Variants in COL4A6 observed in about 807,000 individuals in gnomAD.
COL4A6 encodes collagen alpha-6(IV) chain.
COL4A6 carries 59 observed loss-of-function variants against 126.7 expected under a neutral mutation model. That is an observed-to-expected ratio of 0.47 (90% confidence interval 0.38 to 0.58). The LOEUF (loss-of-function observed/expected upper bound fraction) is 0.58. COL4A6 is among the 20% of genes least tolerant of loss of function. The pLI is 0.00. For missense variants in COL4A6, 1,285 were observed against 1,337.3 expected (o/e 0.96, Z 0.61); for synonymous variants, 547 against 496.6 (o/e 1.10, Z -1.35).
intron 2 of COL4A6, chrX:108,383,605 GA>G: frequency 1.9e-6 from 1 of 530,931 alleles, no homozygotes; most frequent in Non-Finnish European, 3.2e-6. Context: ...TTGTCCAGCT[GA>G]AGGATGCCCC....
intron 2 of COL4A6, among the ~76,000 whole-genome samples, chrX:108,406,061 G>A (rs1249707034): frequency 9.0e-6 from 1 of 111,305 alleles, no homozygotes; most frequent in Non-Finnish European, 1.9e-5. Flanking sequence ...TTGACGTCCT[G>A]GGCTCAAGTG....
intron 2 of COL4A6, among the ~76,000 whole-genome samples, chrX:108,380,005 A>G (rs1452039507): frequency 9.0e-6 from 1 of 111,423 alleles, no homozygotes; most frequent in Non-Finnish European, 1.9e-5. Context: ...TTTGATAATA[A>G]TTCCAAGAAT....
At chrX:108,299,612 A>G (rs189556835) in intron 3 of COL4A6, among the ~76,000 whole-genome samples, 1 of 112,311 alleles carries the variant, frequency 8.9e-6, no homozygotes, top group African/African-American at 3.2e-5. Context: ...CAAAGTCACT[A>G]CAATTACTTG....
At chrX:108,301,693 T>C (rs927116845) in intron 3 of COL4A6, among the ~76,000 whole-genome samples, 3 of 111,932 alleles carry the variant, frequency 2.7e-5, no homozygotes, top group Admixed American at 9.4e-5. Flanking sequence ...TTAATCTCTC[T>C]GAAACTTTCT....
chrX:108,171,408 G>A lies in COL4A6; in HGVS notation c.3256C>T (p.Pro1086Ser). The A allele has an allele frequency of 8.3e-7, 1 of 1,210,516 alleles. No individual in the cohort carries two copies. Among genetic ancestry groups the A allele is most frequent in the South Asian group, 1.8e-5 (1 of 56,729 alleles). The change falls in exon 33 of 45, where the codon CCT becomes TCT. Residue 1086 changes from proline to serine, a missense_variant. Transcript: ENST00000334504. Reference sequence around the variant, plus strand: ...TTACCTTTAAAACCAGATTCGCCAGGCTGTCCCTTGGGTCCTGGGCTACCG... The same window carrying A: ...TTACCTTTAAAACCAGATTCGCCAGACTGTCCCTTGGGTCCTGGGCTACCG... ...ISGSPGPKGQPGESGFKGTKG... is the reference protein window; with the variant it reads ...ISGSPGPKGQSGESGFKGTKG...
intron 3 of COL4A6, among the ~76,000 whole-genome samples, chrX:108,270,190 T>G (rs948604602): frequency 1.8e-5 from 2 of 112,254 alleles, no homozygotes; most frequent in African/African-American, 6.5e-5. Flanking sequence ...CTGCCCCTTC[T>G]AAGTGTGGCA....
chrX:108,269,145 A>G (rs780843349), intron 3 of COL4A6: 3 of 336,866 alleles, frequency 8.9e-6, no homozygotes, highest in South Asian at 7.8e-5. Context: ...CAGTAGCTGC[A>G]AGTTGTGCTG....
rs961829758 is a variant in COL4A6 at position 108,360,772 on chromosome X, G to A, written c.64-49944C>T. Reference sequence around the variant, plus strand: ...AAGCTGGTCTCGAACTCCTGACCTCGTGATCTGCCCACCTCGGCCTCCCAA... The same window carrying A: ...AAGCTGGTCTCGAACTCCTGACCTCATGATCTGCCCACCTCGGCCTCCCAA... On this transcript the variant is annotated intron_variant, in intron 2 of 44. Transcript: ENST00000334504. Among the ~76,000 whole-genome samples, 37 of 110,492 alleles carry A rather than the reference G, an allele frequency of 3.3e-4. 1 individual carries two copies. Among genetic ancestry groups the A allele is most frequent in the Non-Finnish European group, 7.6e-5 (4 of 52,857 alleles).
intron 2 of COL4A6, among the ~76,000 whole-genome samples, chrX:108,414,749 G>T (rs1381993450): frequency 9.0e-6 from 1 of 110,902 alleles, no homozygotes; most frequent in Non-Finnish European, 1.9e-5. Context: ...CCATGGTTGT[G>T]CCACTGCACT....
intron 2 of COL4A6, among the ~76,000 whole-genome samples, chrX:108,428,332 A>G (rs1402617484): frequency 8.9e-6 from 1 of 112,237 alleles, no homozygotes; most frequent in Non-Finnish European, 1.9e-5. Context: ...CTTCTCTGAT[A>G]TCTCCCTTTC....
At position 108,164,684 on chromosome X, in the gene COL4A6, G is replaced by T. The variant is rs751515364; in HGVS notation, c.3985C>A (p.Pro1329Thr). 2 of 1,211,414 alleles carry T rather than the reference G, an allele frequency of 1.7e-6. No individual in the cohort carries two copies. Among genetic ancestry groups the T allele is most frequent in the Admixed American group, 4.3e-5 (2 of 46,060 alleles). ...ELGLKGMRGE[P>T]GFMGTPGKVG... The stretch of plus-strand genomic sequence containing the variant: ...TTGCCTGGAGTCCCCATGAAGCCAG[G>T]CTCACCTCTCATGCCTGACAAAGCC... Residue 1329 changes from proline (P) to threonine (T), a missense_variant, in exon 40 of 45, where the codon CCT becomes ACT. Physicochemically the swap from Pro to Thr is conservative, Grantham distance 38. Transcript: ENST00000334504.
Position 108,179,340 on chromosome X carries a change from C to T in COL4A6, c.2230G>A (p.Gly744Ser), listed in dbSNP as rs750814219. 53 of 1,209,372 alleles carry T rather than the reference C, an allele frequency of 4.4e-5. No homozygotes were observed. In the Admixed American group the frequency reaches 8.1e-4, roughly 18 times the overall value. ...PGMIGSPGLP[G>S]SKGATGDIFG... ...ATGTCACCAGTGGCTCCCTTGGAAC[C>T]AGGTAAGCCTGGACTGCCAATCATC... The change falls in exon 26 of 45, where the codon GGT (glycine) becomes AGT (serine). Residue 744 changes from glycine to serine, a missense_variant. Physicochemically the swap from Gly to Ser is moderately conservative, Grantham distance 56. Transcript: ENST00000334504.
chrX:108,400,794 A>C (rs926223155), intron 2 of COL4A6, among the ~76,000 whole-genome samples: 7 of 111,707 alleles, frequency 6.3e-5, no homozygotes, highest in African/African-American at 2.3e-4. Flanking sequence ...CCTTTCTTTT[A>C]CTCACGTTGT....
At chrX:108,410,628 A>G (rs540193474) in intron 2 of COL4A6, among the ~76,000 whole-genome samples, 3 of 111,734 alleles carry the variant, frequency 2.7e-5, no homozygotes, top group African/African-American at 9.7e-5. Flanking sequence ...TGGGTATATC[A>G]GTTTAAAAAT....
chrX:108,164,773 A>T, intron 39 of COL4A6, 75 bp from the exon 40 acceptor site: 1 of 1,175,073 alleles, frequency 8.5e-7, no homozygotes, highest in Non-Finnish European at 1.2e-6. Flanking sequence ...GGCAGGGGTG[A>T]GGTAGGGAAG....
In COL4A6 at chrX:108,295,665, C is replaced by T. The variant is rs17280168; in HGVS notation, c.144+15083G>A. Among the ~76,000 whole-genome samples, 210 of 112,254 alleles carry T rather than the reference C, an allele frequency of 1.9e-3. 1 individual carries two copies. The East Asian group carries it at 0.038, about 20-fold the overall frequency. On this transcript the variant is annotated intron_variant, in intron 3 of 44. Transcript: ENST00000334504. ...GCAATTTACAGATAGGCTGACCCAT[C>T]TGCAAAGCAAGTTGGTTATTGCATA...
intron 3 of COL4A6, among the ~76,000 whole-genome samples, chrX:108,221,581 C>A (rs766592663): frequency 8.9e-6 from 1 of 112,572 alleles, no homozygotes; most frequent in South Asian, 3.7e-4. Flanking sequence ...ATTTTATAAG[C>A]ACATTTAATA....
chrX:108,164,479 G>T, intron 40 of COL4A6, 121 bp downstream of exon 40: 1 of 655,500 alleles, frequency 1.5e-6, no homozygotes, highest in Non-Finnish European at 2.4e-6. Flanking sequence ...GGGGTACCTT[G>T]ATCCAGCTGT....
chrX:108,214,367 C>T, intron 5 of COL4A6, 139 bp from the exon 6 acceptor site: 1 of 460,863 alleles, frequency 2.2e-6, no homozygotes, highest in East Asian at 3.6e-5. Context: ...TGTATGTTTG[C>T]ATGTCTTTCC....
Sources: gnomAD v4.1 joint callset for allele counts (sites outside exome capture counted in the v4.1 genomes callset) on GRCh38, gnomAD v4.1.1 for gene constraint, MANE v1.5 for transcripts, NCBI Gene and HGNC (gene_info 2026-07-23, HGNC 2026-07-21) for gene names.